The following MYT1L variants were observed in gnomAD, a reference collection of about 807,000 sequenced individuals.
MYT1L encodes the protein myelin transcription factor 1-like protein.
A neutral mutation model predicts 126.7 loss-of-function variants in MYT1L; 12 were observed. That is an observed-to-expected ratio of 0.09 (90% CI 0.06 to 0.15). The LOEUF (loss-of-function observed/expected upper bound fraction) is 0.15. Ranked by LOEUF, MYT1L falls within the 10% of genes least tolerant of loss-of-function variation. MYT1L has a pLI of 1.00. For missense variants in MYT1L, 979 were observed against 1,585.2 expected (o/e 0.62, Z 6.49); for synonymous variants, 541 against 604.2 (o/e 0.90, Z 1.53).
chr2:1,830,213 G>A (rs1345012559), intron 21 of MYT1L, among the ~76,000 whole-genome samples: 6 of 152,186 alleles, frequency 3.9e-5, no homozygotes, highest in Non-Finnish European at 7.3e-5. Flanking sequence ...TCACTCACGG[G>A]GGGTCAGGCA....
chr2:2,243,955 C>T (rs577334592), intron 2 of MYT1L, among the ~76,000 whole-genome samples: 1 of 152,256 alleles, frequency 6.6e-6, no homozygotes, highest in South Asian at 2.1e-4. Flanking sequence ...GCAGGATTGG[C>T]AGCGCACACT....
chr2:1,892,337 G>C (rs1558300810), intron 14 of MYT1L, 50 bp from the exon 15 acceptor site: 2 of 1,528,178 alleles, frequency 1.3e-6, no homozygotes, highest in Non-Finnish European at 1.8e-6. Context: ...CAGGGCACAC[G>C]GCAGACAGCA....
chr2:2,048,640 C>T (rs1203038918), intron 4 of MYT1L, among the ~76,000 whole-genome samples: 2 of 152,192 alleles, frequency 1.3e-5, no homozygotes, highest in Admixed American at 1.3e-4. Context: ...TGCCTCCCAT[C>T]CTCCTAGGTG....
intron 8 of MYT1L, among the ~76,000 whole-genome samples, chr2:1,976,861 A>G (rs1232148966): frequency 1.3e-5 from 2 of 152,160 alleles, no homozygotes; most frequent in African/African-American, 2.4e-5. Context: ...CAGTGACAAC[A>G]TTTTTGCACC....
At position 2,004,090 on chromosome 2, in the gene MYT1L, C is replaced by A. The variant is rs368307786; in HGVS notation, c.-157-6743G>T. On this transcript the variant is annotated intron_variant, in intron 4 of 24. Transcript: ENST00000647738. Reference sequence around the variant, plus strand: ...GCGTTCTTTCCTGCATATGTTCTTTCCTGCGTGCCTTCTTTCCTGCGTGCC... The same window carrying A: ...GCGTTCTTTCCTGCATATGTTCTTTACTGCGTGCCTTCTTTCCTGCGTGCC... 3.7e-3 allele frequency among the ~76,000 whole-genome samples: 554 copies of A among 151,084 alleles called. 8 individuals are homozygous for A. The highest frequency in any genetic ancestry group is 7.8e-3 in the African/African-American group (319 of 40,882).
intron 9 of MYT1L, among the ~76,000 whole-genome samples, chr2:1,924,702 G>C (rs1385867528): frequency 6.6e-6 from 1 of 152,188 alleles, no homozygotes; most frequent in Non-Finnish European, 1.5e-5. Flanking sequence ...ATTAGACATA[G>C]AGAATCGCTA....
At chr2:2,272,391 C>T (rs1357374584) in intron 2 of MYT1L, among the ~76,000 whole-genome samples, 2 of 152,206 alleles carry the variant, frequency 1.3e-5, no homozygotes, top group Non-Finnish European at 2.9e-5. Context: ...CTGGTGCTCT[C>T]AGAGGTGCTG....
chr2:1,923,285 CAAAA>C, intron 9 of MYT1L, 22 bp from the exon 10 acceptor site: 1 of 1,534,142 alleles, frequency 6.5e-7, no homozygotes, highest in Non-Finnish European at 8.8e-7. Context: ...ATAAAAAAGA[CAAAA>C]AAGAAAAGAA....
chr2:2,092,350 C>G (rs1240147995), intron 3 of MYT1L, among the ~76,000 whole-genome samples: 1 of 152,176 alleles, frequency 6.6e-6, no homozygotes, highest in African/African-American at 2.4e-5. Context: ...AGAACACACA[C>G]ATTTATCAAT....
At chr2:1,899,939 T>C (rs12993248) in intron 14 of MYT1L, among the ~76,000 whole-genome samples, 9 of 152,110 alleles carry the variant, frequency 5.9e-5, no homozygotes, top group Non-Finnish European at 1.2e-4. Context: ...GAAGTGAAGA[T>C]TTTGTGAGTG....
chr2:2,079,780 C>G (rs1049518985), intron 3 of MYT1L, among the ~76,000 whole-genome samples: 7 of 151,484 alleles, frequency 4.6e-5, no homozygotes, highest in Non-Finnish European at 1.5e-5. Flanking sequence ...CCACTGCACT[C>G]CAGCCTGGGC....
rs920322280 is a variant in MYT1L, at chr2:1,826,749, T to C, written c.3080+12400A>G. 3.3e-5 allele frequency among the ~76,000 whole-genome samples: 5 copies of C among 151,262 alleles called. No individual in the cohort carries two copies. The Admixed American group carries it at 3.3e-4, about 10-fold the overall frequency. ...CTGGGCCTGAGGCAGAGCAGGGAGC[T>C]GACTCCAAAGGTCAGAGAAGTCAAG... is the stretch of plus-strand genomic sequence containing the variant. On this transcript the variant is annotated intron_variant, in intron 21 of 24. Transcript: ENST00000647738.
chr2:2,184,048 A>G (rs775864080), intron 2 of MYT1L, among the ~76,000 whole-genome samples: 6 of 135,538 alleles, frequency 4.4e-5, no homozygotes, highest in African/African-American at 8.0e-5. Context: ...AAAAAGAAAA[A>G]GAAAGAAAGA....
At chr2:1,881,651 G>A (rs1177949276) in intron 18 of MYT1L, among the ~76,000 whole-genome samples, 1 of 152,112 alleles carries the variant, frequency 6.6e-6, no homozygotes, top group Non-Finnish European at 1.5e-5. Context: ...TGTGAGGAGT[G>A]GGCGTGTCAG....
chr2:2,251,323 G>T (rs190216291), intron 2 of MYT1L, among the ~76,000 whole-genome samples: 1 of 152,074 alleles, frequency 6.6e-6, no homozygotes, highest in Non-Finnish European at 1.5e-5. Flanking sequence ...TGACCTAGAC[G>T]TGGAGATACG....
intron 3 of MYT1L, among the ~76,000 whole-genome samples, chr2:2,164,560 G>C (rs865842575): frequency 3.0e-4 from 46 of 152,112 alleles, no homozygotes; most frequent in South Asian, 2.1e-3. Context: ...CTCATTTTTT[G>C]GTTACTTTCC....
At chr2:1,930,689 G>A (rs2054840563) in intron 9 of MYT1L, among the ~76,000 whole-genome samples, 1 of 152,160 alleles carries the variant, frequency 6.6e-6, no homozygotes, top group African/African-American at 2.4e-5. Flanking sequence ...AATACTCAAA[G>A]TTGCTCTTAA....
At chr2:2,033,258 C>G (rs1163463131) in intron 4 of MYT1L, among the ~76,000 whole-genome samples, 1 of 147,790 alleles carries the variant, frequency 6.8e-6, no homozygotes, top group Non-Finnish European at 1.5e-5. Flanking sequence ...TTACACACAC[C>G]CCTCGCCAGT....
chr2:1,978,802 C>A (rs2060373987), intron 8 of MYT1L, among the ~76,000 whole-genome samples: 1 of 152,040 alleles, frequency 6.6e-6, no homozygotes, highest in Admixed American at 6.6e-5. Context: ...CATTGTTTAC[C>A]ATCCTGCCAC....
Sources: gnomAD v4.1 joint callset for allele counts (sites outside exome capture counted in the v4.1 genomes callset) on GRCh38, gnomAD v4.1.1 for gene constraint, MANE v1.5 for transcripts, NCBI Gene and HGNC (gene_info 2026-07-23, HGNC 2026-07-21) for gene names.